Variants in C3orf22 observed in about 807,000 individuals in gnomAD.
C3orf22 encodes chromosome 3 open reading frame 22.
Under a neutral mutation model 10.8 loss-of-function variants are expected in C3orf22, and 7 were observed. The ratio of observed to expected loss-of-function variants is 0.65; its 90% confidence interval spans 0.37 to 1.22. The LOEUF (loss-of-function observed/expected upper bound fraction) is 1.22. C3orf22 is among the 50% of genes most tolerant of loss of function. The pLI, the probability that C3orf22 is intolerant of heterozygous loss-of-function variation, is 0.02. For synonymous variants in C3orf22, 79 were observed against 78.9 expected (o/e 1.00, Z 0.00); for missense variants, 173 against 177.0 (o/e 0.98, Z 0.13).
At chr3:126,557,290 G>A (rs530382029) in intron 1 of C3orf22, among the ~76,000 whole-genome samples, 17 of 152,282 alleles carry the variant, frequency 1.1e-4, no homozygotes, top group African/African-American at 3.4e-4. Context: ...AGCCCATAAC[G>A]CACCTTGCTT....
Position 126,537,777 on chromosome 3 carries a change from A to G in C3orf22, c.287-8405T>C, listed in dbSNP as rs1000977417. 2.0e-5 allele frequency among the ~76,000 whole-genome samples: 3 copies of G among 152,358 alleles called. No individual in the cohort carries two copies. In the South Asian group the frequency reaches 6.2e-4, roughly 32 times the overall value. On this transcript the variant is annotated intron_variant and NMD_transcript_variant, in intron 4 of 5. Coordinates refer to the C3orf22 transcript ENST00000505070. The stretch of plus-strand genomic sequence containing the variant: ...TAACATAGTAAAAACCATCTGGCCA[A>G]CAAGTGCTGATCACGTGCCAGGCCC...
At position 126,554,523 on chromosome 3, in the gene C3orf22, CAA is replaced by C. The variant is rs1388851485; in HGVS notation, c.-40-1095_-40-1094del. 4.6e-5 allele frequency among the ~76,000 whole-genome samples: 7 copies of C among 152,302 alleles called. No individual in the cohort carries two copies. The South Asian group carries it at 8.3e-4, about 18-fold the overall frequency. ...AGGTGATCCATCCGCCTCGGCCTCC[CAA>C]AGTGTTGGGATTACAGGCGTGAGCC... On this transcript the variant is annotated intron_variant, in intron 1 of 3. Transcript: ENST00000318225.
In C3orf22 at chr3:126,553,287, G is replaced by A. The variant is rs1337497219; in HGVS notation, c.89+15C>T. The A allele has an allele frequency of 3.1e-6, 5 of 1,588,928 alleles. No individual in the cohort carries two copies. The African/African-American group carries it at 6.7e-5, about 21-fold the overall frequency. ...GGAGGCAGGGCTTGTCTCCAGAGGT[G>A]TCAGCCTCCCGCACCTGTACGGAAA... On this transcript the variant is annotated intron_variant, in intron 2 of 3. Coordinates refer to ENST00000318225, the MANE Select transcript of C3orf22 (RefSeq NM_152533.3).
intron 4 of C3orf22, among the ~76,000 whole-genome samples, chr3:126,540,100 G>T (rs12631430): frequency 6.6e-6 from 1 of 151,396 alleles, no homozygotes; most frequent in Non-Finnish European, 1.5e-5. Flanking sequence ...CACACGCACA[G>T]GACACACACG....
intron 1 of C3orf22, among the ~76,000 whole-genome samples, chr3:126,556,787 TCA>T: frequency 1.3e-5 from 1 of 75,372 alleles, no homozygotes; most frequent in African/African-American, 4.0e-5. Flanking sequence ...ACACTCAGAC[TCA>T]CACACACTCA....
chr3:126,554,626 G>A (rs10934779), intron 1 of C3orf22, among the ~76,000 whole-genome samples: 74,799 of 152,014 alleles, frequency 0.49, 20,183 homozygotes, highest in East Asian at 0.63. Context: ...TGAGACTACT[G>A]GAGGGTAAGG....
At chr3:126,557,088 ACAG>A (rs1177506355) in intron 1 of C3orf22, among the ~76,000 whole-genome samples, 3 of 151,948 alleles carry the variant, frequency 2.0e-5, no homozygotes, top group Non-Finnish European at 1.5e-5. Flanking sequence ...TCACACACAC[ACAG>A]ATTCACACTC....
At chr3:126,556,412 G>A (rs1937330366) in intron 1 of C3orf22, among the ~76,000 whole-genome samples, 1 of 151,952 alleles carries the variant, frequency 6.6e-6, no homozygotes, top group Non-Finnish European at 1.5e-5. Flanking sequence ...ACACACCCCA[G>A]AGTGCATCCT....
At chr3:126,538,940 C>T (rs902996494) in intron 4 of C3orf22, among the ~76,000 whole-genome samples, 2 of 152,160 alleles carry the variant, frequency 1.3e-5, no homozygotes, top group African/African-American at 4.8e-5. Flanking sequence ...AAGAGTAGGT[C>T]TCCTTGTCCA....
chr3:126,550,546 C>T (rs1042331787), intron 3 of C3orf22, among the ~76,000 whole-genome samples: 1 of 152,250 alleles, frequency 6.6e-6, no homozygotes, highest in African/African-American at 2.4e-5. Flanking sequence ...ATGCCACCCA[C>T]AGGCTTGACT....
At chr3:126,544,081 G>A (rs139037775) in intron 4 of C3orf22, among the ~76,000 whole-genome samples, 38 of 152,350 alleles carry the variant, frequency 2.5e-4, no homozygotes, top group African/African-American at 7.5e-4. Context: ...CCATTAAGAC[G>A]TGACTGGGTC....
chr3:126,554,187 T>C (rs1483521434), intron 1 of C3orf22, among the ~76,000 whole-genome samples: 1 of 152,062 alleles, frequency 6.6e-6, no homozygotes, highest in Non-Finnish European at 1.5e-5. Context: ...ACTAATTATA[T>C]ATTTTTGTAG....
chr3:126,537,306 AGAGG>A (rs1359826967), intron 4 of C3orf22, among the ~76,000 whole-genome samples: 1 of 152,192 alleles, frequency 6.6e-6, no homozygotes, highest in Non-Finnish European at 1.5e-5. Context: ...GGAGGACAGG[AGAGG>A]GAGCACAAGG....
At chr3:126,555,201 T>C (rs1009956537) in intron 1 of C3orf22, among the ~76,000 whole-genome samples, 1 of 152,170 alleles carries the variant, frequency 6.6e-6, no homozygotes, top group Non-Finnish European at 1.5e-5. Context: ...TTGGCTCCTG[T>C]CCTCTCTCAG....
At chr3:126,529,409 A>T (rs938713917) in intron 4 of C3orf22, 12 of 1,288,414 alleles carry the variant, frequency 9.3e-6, no homozygotes, top group Middle Eastern at 2.2e-4. Flanking sequence ...TGTCAGGACA[A>T]GGGGGCACCC....
intron 4 of C3orf22, chr3:126,542,227 C>A (rs1436834897): frequency 2.0e-6 from 3 of 1,503,450 alleles, no homozygotes; most frequent in Admixed American, 4.4e-5. Flanking sequence ...ACGTGCGCTT[C>A]GCGGAGTTCC....
At chr3:126,541,340 T>A (rs146672837) in intron 4 of C3orf22, among the ~76,000 whole-genome samples, 1 of 152,172 alleles carries the variant, frequency 6.6e-6, no homozygotes, top group Non-Finnish European at 1.5e-5. Flanking sequence ...CAGTTTTCAA[T>A]TGGGTGTGGA....
At chr3:126,556,818 G>T (rs200429807) in intron 1 of C3orf22, among the ~76,000 whole-genome samples, 33 of 101,344 alleles carry the variant, frequency 3.3e-4, no homozygotes, top group Middle Eastern at 5.4e-3. Context: ...CACACACACA[G>T]ACTCACATAC....
chr3:126,544,806 T>C (rs190743328), downstream of C3orf22, among the ~76,000 whole-genome samples: 1 of 152,342 alleles, frequency 6.6e-6, no homozygotes, highest in African/African-American at 2.4e-5. Flanking sequence ...ACTCCACTGC[T>C]TCCCCACTGA....
Sources: gnomAD v4.1 joint callset for allele counts (sites outside exome capture counted in the v4.1 genomes callset) on GRCh38, gnomAD v4.1.1 for gene constraint, MANE v1.5 for transcripts, NCBI Gene and HGNC (gene_info 2026-07-23, HGNC 2026-07-21) for gene names.